Variants in SCRG1 observed in about 807,000 individuals in gnomAD.
The protein encoded by SCRG1 is stimulator of chondrogenesis 1, also known as scrapie-responsive protein 1.
A neutral mutation model predicts 7.7 loss-of-function variants in SCRG1; 3 were observed. The observed-to-expected ratio is 0.39, with a 90% CI of 0.18 to 1.01. The LOEUF (loss-of-function observed/expected upper bound fraction) is 1.01. Ranked by LOEUF, SCRG1 falls within the 50% of genes least tolerant of loss-of-function variation. The pLI, the probability that SCRG1 is intolerant of heterozygous loss-of-function variation, is 0.36. For synonymous variants in SCRG1, 46 were observed against 41.2 expected, an observed-to-expected ratio of 1.12 and a Z score of -0.44; for missense variants, 110 against 117.2, an observed-to-expected ratio of 0.94 and a Z score of 0.28.
the SCRG1 span, among the ~76,000 whole-genome samples, chr4:173,483,417 A>ATATCATGATATATATTATATATTG: frequency 1.7e-4 from 6 of 35,532 alleles, 2 homozygotes; most frequent in Non-Finnish European, 3.9e-4. Flanking sequence ...ATTATATATT[A>ATATCATGATATATATTATATATTG]TATCATGATA....
At chr4:173,464,006 T>C in the SCRG1 span, among the ~76,000 whole-genome samples, 1 of 152,176 alleles carries the variant, frequency 6.6e-6, no homozygotes, top group African/African-American at 2.4e-5. Flanking sequence ...TGACTAGATT[T>C]TCAAACTGTT....
At chr4:173,464,957 G>A in the SCRG1 span, among the ~76,000 whole-genome samples, 2,316 of 152,254 alleles carry the variant, frequency 0.015, 36 homozygotes, top group Non-Finnish European at 0.023. Context: ...GAAAAATCCT[G>A]AAGACATTAT....
At chr4:173,511,485 T>C in the SCRG1 span, among the ~76,000 whole-genome samples, 1 of 152,180 alleles carries the variant, frequency 6.6e-6, no homozygotes, top group Non-Finnish European at 1.5e-5. This position sits in a 1 kb window ranked among gnomAD's most constrained non-coding sequence, Gnocchi z 5.2. Flanking sequence ...CAACTTTCTC[T>C]TTATTTATGC....
At chr4:173,493,689 T>G in the SCRG1 span, among the ~76,000 whole-genome samples, 9 of 152,132 alleles carry the variant, frequency 5.9e-5, no homozygotes, top group Non-Finnish European at 1.2e-4. Context: ...CTCTATGTGT[T>G]TGTGTGTCTG....
At chr4:173,431,176 CAG>C in the SCRG1 span, among the ~76,000 whole-genome samples, 8 of 152,064 alleles carry the variant, frequency 5.3e-5, no homozygotes, top group Non-Finnish European at 7.4e-5. Flanking sequence ...AAAAGGCAAA[CAG>C]AGTTCTGCTG....
chr4:173,469,567 T>C, the SCRG1 span: 10 of 152,300 alleles, frequency 6.6e-5, no homozygotes, highest in African/African-American at 2.4e-4. Flanking sequence ...AAACTCCCTA[T>C]TGGAAACACG....
the SCRG1 span, chr4:173,467,946 AT>A: frequency 6.5e-6 from 1 of 152,716 alleles, no homozygotes; most frequent in Admixed American, 6.5e-5. Flanking sequence ...TTATTGAAAA[AT>A]ATCAGTAAAA....
the SCRG1 span, among the ~76,000 whole-genome samples, chr4:173,484,856 A>G: frequency 2.9e-4 from 23 of 80,646 alleles, no homozygotes; most frequent in Admixed American, 2.3e-4. Context: ...TATATAATAT[A>G]TATTATGTAT....
At chr4:173,485,799 G>A in the SCRG1 span, among the ~76,000 whole-genome samples, 3 of 151,856 alleles carry the variant, frequency 2.0e-5, no homozygotes, top group South Asian at 2.1e-4. Flanking sequence ...GTGAAACCCC[G>A]CCTCTACTAA....
At chr4:173,408,618 G>A (rs1739969393), upstream of SCRG1, among the ~76,000 whole-genome samples, 1 of 152,146 alleles carries the variant, frequency 6.6e-6, no homozygotes, top group Non-Finnish European at 1.5e-5. Context: ...ATAAGTATCT[G>A]AGAATGAAGG....
the SCRG1 span, among the ~76,000 whole-genome samples, chr4:173,453,631 A>G: frequency 1.3e-5 from 2 of 152,378 alleles, no homozygotes; most frequent in Admixed American, 1.3e-4. Flanking sequence ...GAAAAGGTAC[A>G]TTAAAAAATA....
chr4:173,497,029 C>G, the SCRG1 span, among the ~76,000 whole-genome samples: 2 of 152,094 alleles, frequency 1.3e-5, no homozygotes, highest in African/African-American at 4.8e-5. Flanking sequence ...TGGCGTGAAC[C>G]TGGGAGGCAG....
chr4:173,516,522 C>G, the SCRG1 span, among the ~76,000 whole-genome samples: 1 of 152,134 alleles, frequency 6.6e-6, no homozygotes, highest in African/African-American at 2.4e-5. Flanking sequence ...TCGTTTACGC[C>G]CAATCATAGT....
At chr4:173,428,790 A>G in the SCRG1 span, among the ~76,000 whole-genome samples, 1 of 152,234 alleles carries the variant, frequency 6.6e-6, no homozygotes, top group Non-Finnish European at 1.5e-5. Flanking sequence ...AGGCTAAACA[A>G]TACCTTTTTA....
At chr4:173,455,680 CAT>C in the SCRG1 span, among the ~76,000 whole-genome samples, 2 of 152,248 alleles carry the variant, frequency 1.3e-5, no homozygotes, top group East Asian at 1.9e-4. Flanking sequence ...TCATCTGTCA[CAT>C]GTGAAAAAAG....
the SCRG1 span, among the ~76,000 whole-genome samples, chr4:173,426,361 C>T: frequency 2.6e-5 from 4 of 152,180 alleles, no homozygotes; most frequent in Non-Finnish European, 5.9e-5. Flanking sequence ...CTCCCCTCCC[C>T]GACTTCTTGT....
At chr4:173,482,777 C>T in the SCRG1 span, among the ~76,000 whole-genome samples, 1 of 150,792 alleles carries the variant, frequency 6.6e-6, no homozygotes, top group Admixed American at 6.7e-5. Context: ...ATGAATGTGC[C>T]ACTGGACTCC....
At chr4:173,454,867 T>C in the SCRG1 span, among the ~76,000 whole-genome samples, 1 of 152,194 alleles carries the variant, frequency 6.6e-6, no homozygotes, top group African/African-American at 2.4e-5. Flanking sequence ...CAAGAAGACG[T>C]AGGGTACTAA....
At chr4:173,416,897 C>G in the SCRG1 span, among the ~76,000 whole-genome samples, 1 of 137,552 alleles carries the variant, frequency 7.3e-6, no homozygotes. Flanking sequence ...ATCACATCAT[C>G]ACACACACAC....
Sources: gnomAD v4.1 joint callset for allele counts (sites outside exome capture counted in the v4.1 genomes callset) on GRCh38, gnomAD v4.1.1 for gene constraint, Gnocchi (gnomAD v3.1) non-coding constraint, MANE v1.5 for transcripts, NCBI Gene and HGNC (gene_info 2026-07-23, HGNC 2026-07-21) for gene names.